Variants in GDPD1 observed in about 807,000 individuals in gnomAD.
The protein encoded by GDPD1 is glycerophosphodiester phosphodiesterase domain containing 1, also known as lysophospholipase D GDPD1.
In GDPD1, 28 loss-of-function variants were observed where a neutral mutation model predicts 45.1. The ratio of observed to expected loss-of-function variants is 0.62; its 90% confidence interval spans 0.46 to 0.85. GDPD1 has a LOEUF of 0.85. GDPD1 is among the 40% of genes least tolerant of loss of function. The pLI is 0.00. For missense variants in GDPD1, 256 were observed against 364.8 expected, an observed-to-expected ratio of 0.70 and a Z score of 2.43; for synonymous variants, 139 against 131.4, an observed-to-expected ratio of 1.06 and a Z score of -0.40.
intron 2 of GDPD1, among the ~76,000 whole-genome samples, chr17:59,243,060 G>GT (rs1238475760): frequency 6.6e-6 from 1 of 151,828 alleles, no homozygotes; most frequent in Non-Finnish European, 1.5e-5. Flanking sequence ...GTGGTGGCGG[G>GT]TACCTGTAAT....
intron 2 of GDPD1, among the ~76,000 whole-genome samples, chr17:59,243,613 G>A (rs1264610701): frequency 6.6e-6 from 1 of 151,966 alleles, no homozygotes; most frequent in African/African-American, 2.4e-5. Flanking sequence ...GGCTGTTTTA[G>A]GCTTGAAGGT....
chr17:59,230,132 T>C (rs2047077483), intron 1 of GDPD1, among the ~76,000 whole-genome samples: 1 of 152,122 alleles, frequency 6.6e-6, no homozygotes, highest in Non-Finnish European at 1.5e-5. Flanking sequence ...TGAACACTGG[T>C]GTAAGTGTGA....
At chr17:59,224,564 G>T (rs979711209) in intron 1 of GDPD1, among the ~76,000 whole-genome samples, 38 of 151,194 alleles carry the variant, frequency 2.5e-4, no homozygotes, top group Non-Finnish European at 5.3e-4. Context: ...GGCGGAGCTG[G>T]CAGTGAGCCG....
In GDPD1 at chr17:59,245,538, C is replaced by T; in HGVS notation, c.310C>T (p.Leu104Phe). 1.9e-6 allele frequency: 3 copies of T among 1,607,330 alleles called. No homozygotes were observed. Among genetic ancestry groups the T allele is most frequent in the Non-Finnish European group, 2.6e-6 (3 of 1,176,112 alleles). ...TGGGGTCAATGTAAACATCTCTGAT[C>T]TCAAATACTGTGTAAGTAAAAATGC... Reference protein sequence around the residue: ...ATGVNVNISDLKYCELPPYLG... With the variant: ...ATGVNVNISDFKYCELPPYLG... Residue 104 changes from leucine (L) to phenylalanine (F), a missense_variant, in exon 3 of 10, where the codon CTC becomes TTC. Leu to Phe is a conservative substitution (Grantham distance 22). Coordinates refer to ENST00000284116, the MANE Select transcript of GDPD1 (RefSeq NM_182569.4).
At chr17:59,238,483 G>A (rs557579108) in intron 2 of GDPD1, among the ~76,000 whole-genome samples, 50 of 149,838 alleles carry the variant, frequency 3.3e-4, no homozygotes, top group African/African-American at 1.2e-3. Context: ...GCAAGATCTC[G>A]GCTCACTGCA....
At chr17:59,249,007 T>C (rs530334612) in intron 4 of GDPD1, 2 of 356,338 alleles carry the variant, frequency 5.6e-6, no homozygotes, top group Admixed American at 4.7e-5. Flanking sequence ...ACCTGAACAC[T>C]GATTGCAAGA....
At chr17:59,256,437 A>T (rs2047309646) in intron 4 of GDPD1, among the ~76,000 whole-genome samples, 1 of 152,202 alleles carries the variant, frequency 6.6e-6, no homozygotes, top group Non-Finnish European at 1.5e-5. Flanking sequence ...TCTTTGAATA[A>T]CTGCATTCAT....
In GDPD1 at chr17:59,273,686, CA is replaced by C; in HGVS notation, c.862del (p.Arg288GlufsTer10). 1 of 1,572,446 alleles carries C rather than the reference CA, an allele frequency of 6.4e-7. No homozygotes were observed. The highest frequency in any genetic ancestry group is 1.4e-5 in the African/African-American group (1 of 74,008). On this transcript the variant is annotated frameshift_variant, in exon 10 of 10. Transcript: ENST00000284116. LOFTEE classifies it high-confidence loss of function. ...IWVLNEEQEY[K>X]RAFDLGATGV... ...GGGTATTAAATGAAGAACAAGAATA[CA>C]AAAGAGCTTTTGATTTGGGAGCAAC...
chr17:59,269,416 AT>A (rs1256037599), intron 7 of GDPD1, among the ~76,000 whole-genome samples: 2 of 151,708 alleles, frequency 1.3e-5, no homozygotes, highest in Non-Finnish European at 1.5e-5. Flanking sequence ...CCTAAATTAT[AT>A]TTATGAACAT....
chr17:59,235,669 T>C (rs2047125978), intron 2 of GDPD1, among the ~76,000 whole-genome samples: 1 of 151,928 alleles, frequency 6.6e-6, no homozygotes. Context: ...ATACAAAAAT[T>C]AGCTGGGCGT....
intron 6 of GDPD1, among the ~76,000 whole-genome samples, chr17:59,262,740 G>C (rs970455124): frequency 6.7e-6 from 1 of 149,950 alleles, no homozygotes; most frequent in Non-Finnish European, 1.5e-5. Flanking sequence ...CGATTTTCCC[G>C]CTTCAGCCTC....
chr17:59,226,601 C>T (rs1409087641), intron 1 of GDPD1, among the ~76,000 whole-genome samples: 1 of 152,032 alleles, frequency 6.6e-6, no homozygotes, highest in African/African-American at 2.4e-5. Flanking sequence ...AAATTTAATA[C>T]AAATATGTTC....
At chr17:59,220,836 A>C in intron 1 of GDPD1, 85 bp downstream of exon 1, 1 of 1,456,232 alleles carries the variant, frequency 6.9e-7, no homozygotes, top group Non-Finnish European at 9.4e-7. Context: ...CCGGGTGCCA[A>C]TCCCTGAGAG....
intron 6 of GDPD1, among the ~76,000 whole-genome samples, chr17:59,258,151 T>C (rs1187851348): frequency 2.0e-5 from 3 of 152,038 alleles, no homozygotes; most frequent in Admixed American, 2.0e-4. Context: ...GGTATCAAAC[T>C]CTTGGACTCA....
intron 1 of GDPD1, among the ~76,000 whole-genome samples, chr17:59,224,701 A>G (rs183156314): frequency 2.0e-5 from 3 of 152,094 alleles, no homozygotes; most frequent in Admixed American, 2.0e-4. Flanking sequence ...GCCTACCTGT[A>G]GTCTCGGCTA....
chr17:59,265,270 C>A (rs1459701695), intron 6 of GDPD1, among the ~76,000 whole-genome samples: 1 of 151,914 alleles, frequency 6.6e-6, no homozygotes, highest in South Asian at 2.1e-4. Flanking sequence ...CATGGTAGCT[C>A]ACGCTTGTCA....
chr17:59,256,645 G>T (rs1043809830), intron 4 of GDPD1, among the ~76,000 whole-genome samples: 5 of 152,124 alleles, frequency 3.3e-5, no homozygotes, highest in Non-Finnish European at 5.9e-5. Flanking sequence ...AAAAAATTAT[G>T]ATAGAATCAG....
intron 3 of GDPD1, 105 bp from the exon 4 acceptor site, chr17:59,248,635 G>T (rs2047230628): frequency 2.6e-6 from 2 of 780,322 alleles, no homozygotes; most frequent in South Asian, 3.5e-5. Flanking sequence ...AAGTGTTTTA[G>T]TCTTCTGTAT....
intron 6 of GDPD1, among the ~76,000 whole-genome samples, chr17:59,265,901 C>CAAAA (rs60404339): frequency 1.2e-5 from 1 of 80,376 alleles, no homozygotes; most frequent in African/African-American, 4.2e-5. Context: ...GACCTTATCT[C>CAAAA]AAAAAAAAAA....
Sources: allele counts gnomAD v4.1 joint callset (sites outside exome capture counted in the v4.1 genomes callset), GRCh38; gene constraint gnomAD v4.1.1; transcripts MANE v1.5; gene names NCBI Gene and HGNC (gene_info 2026-07-23, HGNC 2026-07-21).